Variants in TBKBP1 observed in about 807,000 individuals in gnomAD.
The protein encoded by TBKBP1 is TBK1 binding protein 1.
In TBKBP1, 47 loss-of-function variants were observed where a neutral mutation model predicts 69.9. The observed-to-expected ratio is 0.67, with a 90% CI of 0.53 to 0.86. The LOEUF is 0.86. TBKBP1 is among the 40% of genes least tolerant of loss of function. The pLI is 0.00. For missense variants in TBKBP1, 831 were observed against 858.6 expected (o/e 0.97, Z 0.40); for synonymous variants, 418 against 390.3 (o/e 1.07, Z -0.84).
chr17:47,708,241 G>T lies in TBKBP1; in HGVS notation c.873-153G>T, dbSNP rs1295459218. Among the ~76,000 whole-genome samples, 1 of 152,174 alleles carries T rather than the reference G, an allele frequency of 6.6e-6. No homozygotes were observed. Among genetic ancestry groups the T allele is most frequent in the Non-Finnish European group, 1.5e-5 (1 of 68,030 alleles). ...GTGGCTTTTGAGCTGGACCTTAAAG[G>T]TAGGGAGGATTTCTGCAATTGGGGT... On this transcript the variant is annotated intron_variant, in intron 7 of 9. Transcript: ENST00000578982. The surrounding 1 kb of genome is among the most constrained non-coding windows in gnomAD (Gnocchi z 4.4).
intron 7 of TBKBP1, among the ~76,000 whole-genome samples, chr17:47,706,617 G>C (rs2031704463): frequency 6.6e-6 from 1 of 152,190 alleles, no homozygotes. Flanking sequence ...GTCTCCCAGA[G>C]ACCTGGCCCA....
chr17:47,709,171 C>G lies in TBKBP1; in HGVS notation c.1438C>G (p.Gln480Glu). The change falls in exon 9 of 10, where the codon CAG (glutamine) becomes GAG (glutamate). Residue 480 changes from glutamine to glutamate, a missense_variant. Coordinates refer to ENST00000578982, the MANE Select transcript of TBKBP1 (RefSeq NM_001394755.1). ...AYAGASPPWL[Q>E]AEAATLPKPR... Reference sequence around the variant, plus strand: ...CGCGGGCGCCTCCCCGCCCTGGCTGCAGGCCGAAGCGGCCACTCTCCCCAA... The same window carrying G: ...CGCGGGCGCCTCCCCGCCCTGGCTGGAGGCCGAAGCGGCCACTCTCCCCAA... The G allele has an allele frequency of 6.9e-7, 1 of 1,452,792 alleles. No individual in the cohort carries two copies. Among genetic ancestry groups the G allele is most frequent in the Non-Finnish European group, 9.0e-7 (1 of 1,111,362 alleles). The allele number at this position is 1,452,792 out of a possible 1,614,324, so 90.0% of individuals were successfully genotyped here.
chr17:47,698,671 A>G lies in TBKBP1; in HGVS notation c.530A>G (p.Asp177Gly), dbSNP rs372925066. 7 of 1,604,446 alleles carry G rather than the reference A, an allele frequency of 4.4e-6. No individual in the cohort carries two copies. Among genetic ancestry groups the G allele is most frequent in the Non-Finnish European group, 5.1e-6 (6 of 1,175,724 alleles). Residue 177 changes from aspartate (D) to glycine (G), a missense_variant, in exon 5 of 10, where the codon GAT becomes GGT. Coordinates refer to ENST00000578982, the MANE Select transcript of TBKBP1 (RefSeq NM_001394755.1). ...QQLRQQQGLQ[D>G]AAFSNLSPPP... Reference sequence around the variant, plus strand: ...CTGCGGCAACAGCAAGGCCTCCAGGATGCAGCCTTCTCCAACCTGAGCCCA... The same window carrying G: ...CTGCGGCAACAGCAAGGCCTCCAGGGTGCAGCCTTCTCCAACCTGAGCCCA...
Position 47,709,231 on chromosome 17 carries a change from G to T in TBKBP1, c.1498G>T (p.Gly500Cys). ...RAYGSELYGP[G>C]RPLSPRRAFE... ...CTACGGCAGCGAGCTCTACGGCCCTGGCAGGCCCCTCAGCCCGCGGCGCGC... is the reference window on the plus strand; with the variant it reads ...CTACGGCAGCGAGCTCTACGGCCCTTGCAGGCCCCTCAGCCCGCGGCGCGC... Residue 500 changes from glycine to cysteine, a missense_variant, in exon 9 of 10, where the codon GGC becomes TGC. Coordinates refer to ENST00000578982, the MANE Select transcript of TBKBP1 (RefSeq NM_001394755.1). 6.6e-7 allele frequency: 1 copy of T among 1,526,460 alleles called. No individual in the cohort carries two copies. The highest frequency in any genetic ancestry group is 8.7e-7 in the Non-Finnish European group (1 of 1,146,256). 94.6% of individuals were successfully genotyped at this position (1,526,460 alleles called of 1,614,324 possible). A position where few individuals can be genotyped will look rare whatever the true frequency, so the allele number is the denominator to read the frequency against.
intron 7 of TBKBP1, among the ~76,000 whole-genome samples, chr17:47,704,119 TC>T (rs2031616912): frequency 6.6e-6 from 1 of 152,186 alleles, no homozygotes; most frequent in South Asian, 2.1e-4. Context: ...CAAACTGGGA[TC>T]TCTGGGCACC....
chr17:47,705,341 A>G (rs2143327191), intron 7 of TBKBP1, among the ~76,000 whole-genome samples: 1 of 152,328 alleles, frequency 6.6e-6, no homozygotes, highest in South Asian at 2.1e-4. Flanking sequence ...CTCATCTGTA[A>G]AATGAAGGTA....
chr17:47,700,257 G>A (rs190629100), intron 7 of TBKBP1, among the ~76,000 whole-genome samples: 1,765 of 145,472 alleles, frequency 0.012, 34 homozygotes, highest in African/African-American at 0.044. Context: ...CCAAAGTGCT[G>A]GGATTATAGG....
At chr17:47,700,214 C>T (rs1319787643) in intron 7 of TBKBP1, among the ~76,000 whole-genome samples, 3 of 149,690 alleles carry the variant, frequency 2.0e-5, no homozygotes, top group Admixed American at 6.7e-5. Context: ...TGGTCTCGAT[C>T]TCCTGACCTT....
intron 2 of TBKBP1, 146 bp from the exon 3 acceptor site, chr17:47,696,565 C>T (rs1198932346): frequency 1.5e-6 from 2 of 1,340,530 alleles, no homozygotes; most frequent in South Asian, 1.3e-5. Context: ...GAGATGGCTA[C>T]AGACCCATGG....
At chr17:47,709,776 C>T (rs1346982377) in intron 9 of TBKBP1, among the ~76,000 whole-genome samples, 1 of 152,270 alleles carries the variant, frequency 6.6e-6, no homozygotes, top group Non-Finnish European at 1.5e-5. Context: ...TACTTATCCT[C>T]TCTGATCCTC....
chr17:47,708,912 G>T lies in TBKBP1; in HGVS notation c.1179G>T (p.Ser393=). 7.3e-7 allele frequency: 1 copy of T among 1,362,728 alleles called. No homozygotes were observed. The highest frequency in any genetic ancestry group is 9.5e-7 in the Non-Finnish European group (1 of 1,057,362). The allele number at this position is 1,362,728 out of a possible 1,614,324, so 84.4% of individuals were successfully genotyped here. ...CTCCGGCCTCACCCTCCTGCCCGTC[G>T]CCCGTCCCGCAGCGCCGCTCGCCGG... The part of the protein sequence containing the change: ...RRSPASPSCP[S]PVPQRRSPVP... Residue 393 remains serine (S), a synonymous_variant, in exon 9 of 10, where the codon TCG becomes TCT. Transcript: ENST00000578982. The surrounding 1 kb of genome is among the most constrained non-coding windows in gnomAD (Gnocchi z 4.4).
At chr17:47,700,068 A>G (rs1286544233) in intron 7 of TBKBP1, among the ~76,000 whole-genome samples, 1 of 150,424 alleles carries the variant, frequency 6.6e-6, no homozygotes, top group African/African-American at 2.4e-5. Flanking sequence ...GCTCACTGCA[A>G]GCTCCGCGTC....
At chr17:47,707,244 C>T (rs1292191691) in intron 7 of TBKBP1, among the ~76,000 whole-genome samples, 1 of 152,230 alleles carries the variant, frequency 6.6e-6, no homozygotes, top group East Asian at 1.9e-4. Flanking sequence ...TCAGGGAGGG[C>T]TCCTGGGGCC....
chr17:47,707,810 C>A (rs1308685026), intron 7 of TBKBP1, among the ~76,000 whole-genome samples: 1 of 152,174 alleles, frequency 6.6e-6, no homozygotes, highest in Non-Finnish European at 1.5e-5. Flanking sequence ...AGCACCTCCA[C>A]CAGCCAGGAA....
At position 47,708,856 on chromosome 17, in the gene TBKBP1, C is replaced by T; in HGVS notation, c.1123C>T (p.Pro375Ser). 1.4e-6 allele frequency: 2 copies of T among 1,424,312 alleles called. No homozygotes were observed. The highest frequency in any genetic ancestry group is 1.8e-6 in the Non-Finnish European group (2 of 1,093,510). 88.2% of individuals were successfully genotyped at this position (1,424,312 alleles called of 1,614,324 possible). The change falls in exon 9 of 10, where the codon CCC becomes TCC. Residue 375 changes from proline (P) to serine (S), a missense_variant. Transcript: ENST00000578982. This position sits in a 1 kb window ranked among gnomAD's most constrained non-coding sequence, Gnocchi z 4.4. ...SPVPQRRSPV[P>S]PCPSPQQRRS... Reference sequence around the variant, plus strand: ...CGTCCCCCAGCGCCGCTCTCCCGTGCCCCCGTGCCCCTCGCCGCAGCAGCG... The same window carrying T: ...CGTCCCCCAGCGCCGCTCTCCCGTGTCCCCGTGCCCCTCGCCGCAGCAGCG...
intron 7 of TBKBP1, among the ~76,000 whole-genome samples, chr17:47,700,297 T>TTTTTTTTTTTTTC (rs2031448748): frequency 1.0e-5 from 1 of 99,302 alleles, no homozygotes; most frequent in Non-Finnish European, 2.1e-5. Flanking sequence ...ACCTTTTTTT[T>TTTTTTTTTTTTTC]TTTTTTTTTT....
chr17:47,709,957 A>G (rs2031864487), intron 9 of TBKBP1, among the ~76,000 whole-genome samples: 1 of 152,230 alleles, frequency 6.6e-6, no homozygotes, highest in Non-Finnish European at 1.5e-5. Context: ...GCCACCAGCC[A>G]ACACAGGAAC....
Position 47,699,312 on chromosome 17 carries a change from AC to A in TBKBP1, c.635-6del. The A allele has an allele frequency of 6.6e-7, 1 of 1,518,842 alleles. No individual in the cohort carries two copies. Among genetic ancestry groups the A allele is most frequent in the Non-Finnish European group, 8.8e-7 (1 of 1,139,534 alleles). 94.1% of individuals were successfully genotyped at this position (1,518,842 alleles called of 1,614,324 possible). A position where few individuals can be genotyped will look rare whatever the true frequency, so the allele number is the denominator to read the frequency against. On this transcript the variant is annotated splice_polypyrimidine_tract_variant and splice_region_variant and intron_variant, in intron 5 of 9. Transcript: ENST00000578982. ...GAGCTCGCCTGACGTTGTCCTGTCCACCGACAGCAGGCTGGCCGGGCTCCAC... is the reference window on the plus strand; with the variant it reads ...GAGCTCGCCTGACGTTGTCCTGTCCACGACAGCAGGCTGGCCGGGCTCCAC...
chr17:47,702,991 G>GC lies in TBKBP1; in HGVS notation c.872+3294_872+3295insC, dbSNP rs1451241605. On this transcript the variant is annotated intron_variant, in intron 7 of 9. Transcript: ENST00000578982. ...CTGAGGGGGAGGGGAAATGCGGGGG[G>GC]GGGAACTTCTTGAAGGGGATGAGGG... Among the ~76,000 whole-genome samples, 4 of 136,630 alleles carry GC rather than the reference G, an allele frequency of 2.9e-5. No homozygotes were observed. The East Asian group carries it at 8.8e-4, about 30-fold the overall frequency. The allele number at this position is 136,630 out of a possible 152,430, so 89.6% of individuals were successfully genotyped here. A position where few individuals can be genotyped will look rare whatever the true frequency, so the allele number is the denominator to read the frequency against.
Sources: allele counts gnomAD v4.1 joint callset (sites outside exome capture counted in the v4.1 genomes callset), GRCh38; gene constraint gnomAD v4.1.1; non-coding constraint Gnocchi (gnomAD v3.1); transcripts MANE v1.5; gene names NCBI Gene and HGNC (gene_info 2026-07-23, HGNC 2026-07-21).